Variants in KCNJ6 observed in about 807,000 individuals in gnomAD.
The protein encoded by KCNJ6 is potassium inwardly rectifying channel subfamily J member 6.
KCNJ6 carries 9 observed loss-of-function variants against 34.2 expected under a neutral mutation model. The observed-to-expected ratio is 0.26, with a 90% CI of 0.16 to 0.46. The LOEUF (loss-of-function observed/expected upper bound fraction) is 0.46. Ranked by LOEUF, KCNJ6 falls within the 20% of genes least tolerant of loss-of-function variation. KCNJ6 has a pLI of 1.00. For synonymous variants in KCNJ6, 196 were observed against 207.1 expected, an observed-to-expected ratio of 0.95 and a Z score of 0.46; for missense variants, 236 against 531.3, an observed-to-expected ratio of 0.44 and a Z score of 5.46.
intron 3 of KCNJ6, among the ~76,000 whole-genome samples, chr21:37,654,922 C>T (rs538064116): frequency 6.6e-6 from 1 of 152,308 alleles, no homozygotes; most frequent in Non-Finnish European, 1.5e-5. Context: ...ATGGGTAGGC[C>T]TGTGGCCCGA....
intron 2 of KCNJ6, among the ~76,000 whole-genome samples, chr21:37,795,652 G>A (rs886217256): frequency 6.6e-6 from 1 of 151,602 alleles, no homozygotes; most frequent in Non-Finnish European, 1.5e-5. Flanking sequence ...GGCTGAGGCA[G>A]GAGAATGGCG....
chr21:37,778,775 C>T (rs1297342865), intron 2 of KCNJ6, among the ~76,000 whole-genome samples: 1 of 151,518 alleles, frequency 6.6e-6, no homozygotes, highest in African/African-American at 2.4e-5. Context: ...ATCTCCTGTA[C>T]CCTCCCTCCC....
chr21:37,838,906 C>T (rs1016854946), intron 2 of KCNJ6, among the ~76,000 whole-genome samples: 5 of 152,138 alleles, frequency 3.3e-5, no homozygotes, highest in East Asian at 1.9e-4. Context: ...AGTAAGTGCT[C>T]GAGAGATCCA....
chr21:37,671,349 C>T (rs1312364459), intron 3 of KCNJ6, among the ~76,000 whole-genome samples: 1 of 152,226 alleles, frequency 6.6e-6, no homozygotes, highest in Admixed American at 6.5e-5. Context: ...GAAAGCTGAA[C>T]ACATGGATGT....
Position 37,853,847 on chromosome 21 carries a change from T to TATATATATATATATATATATATAC in KCNJ6, c.-27-13139_-27-13138insGTATATATATATATATATATATAT, listed in dbSNP as rs1555850322. Among the ~76,000 whole-genome samples, 37 of 40,160 alleles carry TATATATATATATATATATATATAC rather than the reference T, an allele frequency of 9.2e-4. 1 individual carries two copies. The highest frequency in any genetic ancestry group is 2.3e-3 in the African/African-American group (37 of 16,164). 26.3% of individuals were successfully genotyped at this position (40,160 alleles called of 152,430 possible). On this transcript the variant is annotated intron_variant, in intron 1 of 3. Transcript: ENST00000609713. ...TAGTTAAGAGATACATATATATATGTATATATATATATATAAATTACATTG... is the reference window on the plus strand; with the variant it reads ...TAGTTAAGAGATACATATATATATGTATATATATATATATATATATATACATATATATATATATAAATTACATTG...
rs535096749 is a variant in KCNJ6 at position 37,614,630 on chromosome 21, G to A, written c.*10529C>T. 3.8e-5 allele frequency: 5 copies of A among 130,560 alleles called. No homozygotes were observed. The highest frequency in any genetic ancestry group is 1.5e-4 in the Admixed American group (2 of 13,382). The allele number at this position is 130,560 out of a possible 1,614,324, so 8.1% of individuals were successfully genotyped here. On this transcript the variant is annotated 3_prime_UTR_variant, in exon 4 of 4. Coordinates refer to ENST00000609713, the MANE Select transcript of KCNJ6 (RefSeq NM_002240.5). Reference sequence around the variant, plus strand: ...TCTGTATGCGTGTGTGTATGCATATGTCTGTGTGTGTATGCACGTGTGTGT... The same window carrying A: ...TCTGTATGCGTGTGTGTATGCATATATCTGTGTGTGTATGCACGTGTGTGT...
intron 3 of KCNJ6, among the ~76,000 whole-genome samples, chr21:37,649,538 G>C (rs2054422695): frequency 6.6e-6 from 1 of 152,218 alleles, no homozygotes; most frequent in African/African-American, 2.4e-5. Context: ...GTGGGCAGGA[G>C]AGTTTGTTTG....
chr21:37,809,800 T>C (rs1290560996), intron 2 of KCNJ6, among the ~76,000 whole-genome samples: 2 of 152,186 alleles, frequency 1.3e-5, no homozygotes, highest in African/African-American at 2.4e-5. Flanking sequence ...ATTTGTAGCC[T>C]TCCTTGCGAT....
At chr21:37,727,081 C>A (rs1363748678) in intron 2 of KCNJ6, among the ~76,000 whole-genome samples, 2 of 152,102 alleles carry the variant, frequency 1.3e-5, no homozygotes, top group Non-Finnish European at 2.9e-5. Context: ...GCAGAGACTG[C>A]AGAGATGTGG....
intron 2 of KCNJ6, among the ~76,000 whole-genome samples, chr21:37,745,037 T>C (rs1445379027): frequency 6.9e-6 from 1 of 145,190 alleles, no homozygotes; most frequent in Non-Finnish European, 1.5e-5. Flanking sequence ...ACCAGGGAGA[T>C]AGTAGCATAA....
At chr21:37,870,007 G>A (rs2055642247) in intron 1 of KCNJ6, among the ~76,000 whole-genome samples, 1 of 152,230 alleles carries the variant, frequency 6.6e-6, no homozygotes, top group Admixed American at 6.5e-5. Flanking sequence ...CAAGGCATTT[G>A]CTGCAGAGAA....
chr21:37,642,664 G>GC (rs2054386325), intron 3 of KCNJ6, among the ~76,000 whole-genome samples: 1 of 82 alleles, frequency 0.012, no homozygotes, highest in Non-Finnish European at 0.026. Flanking sequence ...TGAAAGCCGT[G>GC]AGCATCCGAC....
intron 2 of KCNJ6, among the ~76,000 whole-genome samples, chr21:37,747,234 T>C (rs769227733): frequency 7.3e-5 from 11 of 149,966 alleles, no homozygotes; most frequent in Admixed American, 1.3e-4. Flanking sequence ...TTGTTTTCTT[T>C]GCCCCCTTTG....
intron 2 of KCNJ6, among the ~76,000 whole-genome samples, chr21:37,837,450 G>A (rs766606267): frequency 9.9e-5 from 15 of 152,106 alleles, no homozygotes; most frequent in Non-Finnish European, 1.8e-4. Context: ...GGCACGTAGC[G>A]GAAAGAAATG....
rs1172378200 is a variant in KCNJ6 at position 37,796,779 on chromosome 21, C to CTTTT, written c.25+43875_25+43878dup. 2.0e-3 allele frequency among the ~76,000 whole-genome samples: 141 copies of CTTTT among 71,474 alleles called. 2 individuals carry two copies. Among genetic ancestry groups the CTTTT allele is most frequent in the African/African-American group, 2.7e-3 (43 of 15,934 alleles). The allele number at this position is 71,474 out of a possible 152,430, so 46.9% of individuals were successfully genotyped here. A position where few individuals can be genotyped will look rare whatever the true frequency, so the allele number is the denominator to read the frequency against. On this transcript the variant is annotated intron_variant, in intron 2 of 3. Coordinates refer to ENST00000609713, the MANE Select transcript of KCNJ6 (RefSeq NM_002240.5). ...GAGTGTTTGTGGGCTTTCTTTCTTT[C>CTTTT]TTTTTTTTTTTTTTTTTTTTTTTTT... is the stretch of plus-strand genomic sequence containing the variant.
intron 3 of KCNJ6, among the ~76,000 whole-genome samples, chr21:37,674,525 C>T (rs868548264): frequency 1.3e-5 from 2 of 151,804 alleles, no homozygotes; most frequent in African/African-American, 2.4e-5. Flanking sequence ...CTGGCTCCGC[C>T]GAGTCAGGCC....
intron 2 of KCNJ6, among the ~76,000 whole-genome samples, chr21:37,809,579 T>G (rs1601482441): frequency 6.6e-6 from 1 of 152,122 alleles, no homozygotes; most frequent in East Asian, 1.9e-4. Flanking sequence ...TTGCTGTAAT[T>G]TTTTCTGATT....
chr21:37,797,011 T>C (rs1323689283), intron 2 of KCNJ6, among the ~76,000 whole-genome samples: 1 of 151,706 alleles, frequency 6.6e-6, no homozygotes, highest in Non-Finnish European at 1.5e-5. Flanking sequence ...GCCAGGATGG[T>C]CTCGATCTCC....
At chr21:37,854,406 GA>G (rs1290219961) in intron 1 of KCNJ6, among the ~76,000 whole-genome samples, 1 of 151,678 alleles carries the variant, frequency 6.6e-6, no homozygotes, top group East Asian at 1.9e-4. Context: ...GGCGCAGAAA[GA>G]AAAATATATG....
Sources: allele counts gnomAD v4.1 joint callset (sites outside exome capture counted in the v4.1 genomes callset), GRCh38; gene constraint gnomAD v4.1.1; transcripts MANE v1.5; gene names NCBI Gene and HGNC (gene_info 2026-07-23, HGNC 2026-07-21).